Variants in RBFOX3 observed in about 807,000 individuals in gnomAD.
RBFOX3 encodes the protein RNA binding fox-1 homolog 3, also known as RNA binding protein fox-1 homolog 3.
In RBFOX3, 17 loss-of-function variants were observed where a neutral mutation model predicts 48.7. The observed-to-expected ratio is 0.35, with a 90% CI of 0.24 to 0.52. The LOEUF (loss-of-function observed/expected upper bound fraction) is 0.52. RBFOX3 is among the 20% of genes least tolerant of loss of function. RBFOX3 has a pLI of 0.94. For synonymous variants in RBFOX3, 212 were observed against 209.5 expected (o/e 1.01, Z -0.10); for missense variants, 382 against 497.5 (o/e 0.77, Z 2.21).
At chr17:79,475,453 C>T (rs2077594290) in intron 2 of RBFOX3, among the ~76,000 whole-genome samples, 1 of 152,152 alleles carries the variant, frequency 6.6e-6, no homozygotes, top group African/African-American at 2.4e-5. Context: ...TGCCTGGGTT[C>T]ATCTTCCTCC....
intron 1 of RBFOX3, among the ~76,000 whole-genome samples, chr17:79,597,442 G>T (rs1173723067): frequency 8.5e-5 from 13 of 152,156 alleles, no homozygotes; most frequent in Non-Finnish European, 1.3e-4. Context: ...AACAACAAGA[G>T]CCCTGGCCAA....
chr17:79,458,930 C>T (rs2074993325), intron 2 of RBFOX3, among the ~76,000 whole-genome samples: 2 of 152,182 alleles, frequency 1.3e-5, no homozygotes, highest in Non-Finnish European at 2.9e-5. Flanking sequence ...ATGGCTGGAT[C>T]TAATGGCAAG....
At chr17:79,260,181 G>C (rs573468150) in intron 3 of RBFOX3, among the ~76,000 whole-genome samples, 19 of 152,148 alleles carry the variant, frequency 1.2e-4, no homozygotes, top group African/African-American at 4.6e-4. Context: ...GGAGGTACAG[G>C]GGGAGGTGGA....
At chr17:79,533,939 G>A (rs1302263621) in intron 1 of RBFOX3, among the ~76,000 whole-genome samples, 1 of 152,064 alleles carries the variant, frequency 6.6e-6, no homozygotes, top group Non-Finnish European at 1.5e-5. Flanking sequence ...ATATATTTTG[G>A]GTTCTAAGTG....
intron 1 of RBFOX3, among the ~76,000 whole-genome samples, chr17:79,576,584 G>A: frequency 6.6e-6 from 1 of 151,930 alleles, no homozygotes; most frequent in East Asian, 1.9e-4. Flanking sequence ...AGAAGGTGGA[G>A]ATCATGAAGA....
chr17:79,562,819 A>G (rs1000882815), intron 1 of RBFOX3, among the ~76,000 whole-genome samples: 2 of 152,208 alleles, frequency 1.3e-5, no homozygotes, highest in South Asian at 2.1e-4. Context: ...CCCTAATGAC[A>G]TGATGATCAA....
chr17:79,138,683 T>C (rs1276168132), intron 4 of RBFOX3, among the ~76,000 whole-genome samples: 25 of 13,212 alleles, frequency 1.9e-3, no homozygotes, highest in African/African-American at 3.2e-3. Flanking sequence ...CCCTCACCCA[T>C]ACACATGGAC....
the RBFOX3 span, among the ~76,000 whole-genome samples, chr17:79,653,939 T>C: frequency 2.7e-5 from 4 of 146,664 alleles, no homozygotes; most frequent in Admixed American, 6.7e-5. Flanking sequence ...AAAAATAAAA[T>C]GTTAGGGCAC....
chr17:79,342,186 G>T (rs141018951), intron 2 of RBFOX3, among the ~76,000 whole-genome samples: 1 of 152,226 alleles, frequency 6.6e-6, no homozygotes, highest in African/African-American at 2.4e-5. Context: ...TTTATTTATG[G>T]GGCCCTTGTT....
the RBFOX3 span, among the ~76,000 whole-genome samples, chr17:79,637,098 GAT>G: frequency 2.0e-5 from 3 of 152,134 alleles, no homozygotes; most frequent in African/African-American, 4.8e-5. Context: ...TTCTACAAGA[GAT>G]ATAACAAATA....
Position 79,130,748 on chromosome 17 carries a change from G to T in RBFOX3, c.-33-15000C>A, listed in dbSNP as rs140184170. ...CGATACCGAGCAGTCTTCTGACACA[G>T]TCCCTGGAACGAGTGGAGTGCCCTG... is the stretch of plus-strand genomic sequence containing the variant. On this transcript the variant is annotated intron_variant, in intron 4 of 14. Transcript: ENST00000693108. Among the ~76,000 whole-genome samples the T allele has an allele frequency of 2.5e-3, 386 of 152,394 alleles. 1 individual carries two copies. Among genetic ancestry groups the T allele is most frequent in the African/African-American group, 8.6e-3 (359 of 41,606 alleles).
intron 4 of RBFOX3, among the ~76,000 whole-genome samples, chr17:79,182,432 G>C (rs1015652659): frequency 6.6e-6 from 1 of 152,206 alleles, no homozygotes; most frequent in Non-Finnish European, 1.5e-5. Context: ...CACAGAGGCC[G>C]AGGGGCCTGG....
chr17:79,621,817 C>T, the RBFOX3 span, among the ~76,000 whole-genome samples: 5 of 152,102 alleles, frequency 3.3e-5, no homozygotes, highest in Non-Finnish European at 5.9e-5. Flanking sequence ...CCAGTCACCA[C>T]CCACAAAGGC....
At chr17:79,465,013 G>A (rs1375224094) in intron 2 of RBFOX3, among the ~76,000 whole-genome samples, 1 of 152,224 alleles carries the variant, frequency 6.6e-6, no homozygotes, top group African/African-American at 2.4e-5. Flanking sequence ...ACTGCCATGG[G>A]GACCCAAGGG....
chr17:79,376,865 T>A (rs1227439153), intron 2 of RBFOX3, among the ~76,000 whole-genome samples: 1 of 152,022 alleles, frequency 6.6e-6, no homozygotes, highest in Non-Finnish European at 1.5e-5. Flanking sequence ...CATTTTCACC[T>A]CCCTGGAACC....
intron 4 of RBFOX3, among the ~76,000 whole-genome samples, chr17:79,181,197 G>C (rs2051843606): frequency 6.6e-6 from 1 of 152,322 alleles, no homozygotes; most frequent in Admixed American, 6.5e-5. Context: ...TAAGACAACA[G>C]AATCAATAAA....
Position 79,103,343 on chromosome 17 carries a change from G to A in RBFOX3, c.415-89C>T. The A allele has an allele frequency of 1.2e-6, 1 of 829,958 alleles. No homozygotes were observed. The highest frequency in any genetic ancestry group is 2.0e-6 in the Non-Finnish European group (1 of 499,970). 51.4% of individuals were successfully genotyped at this position (829,958 alleles called of 1,614,324 possible). Reference sequence around the variant, plus strand: ...AAGACGAGGAAGAAGAGGAGTGGGAGGGGGGCAGGGGAGTGGGGAGAGAGA... The same window carrying A: ...AAGACGAGGAAGAAGAGGAGTGGGAAGGGGGCAGGGGAGTGGGGAGAGAGA... On this transcript the variant is annotated intron_variant, in intron 7 of 14. Transcript: ENST00000693108. The surrounding 1 kb of genome is among the most constrained non-coding windows in gnomAD (Gnocchi z 6.1).
intron 2 of RBFOX3, among the ~76,000 whole-genome samples, chr17:79,356,634 G>A (rs1187755340): frequency 6.6e-6 from 1 of 151,642 alleles, no homozygotes; most frequent in Non-Finnish European, 1.5e-5. Context: ...CTCCCAAAGT[G>A]CTAGGATTAC....
chr17:79,233,801 T>C (rs2061320932), intron 4 of RBFOX3: 1 of 152,154 alleles, frequency 6.6e-6, no homozygotes, highest in Admixed American at 6.5e-5. Flanking sequence ...GAGACGGGGT[T>C]TCACTACATT....
Sources: gnomAD v4.1 joint callset for allele counts (sites outside exome capture counted in the v4.1 genomes callset) on GRCh38, gnomAD v4.1.1 for gene constraint, Gnocchi (gnomAD v3.1) non-coding constraint, MANE v1.5 for transcripts, NCBI Gene and HGNC (gene_info 2026-07-23, HGNC 2026-07-21) for gene names.